SAA2: variants seen among roughly 807,000 people sequenced by gnomAD.
SAA2 encodes the protein serum amyloid A-2 protein.
In SAA2, 5 loss-of-function variants were observed where a neutral mutation model predicts 9.1. That is an observed-to-expected ratio of 0.55 (90% CI 0.29 to 1.16). The LOEUF is 1.16. Among genes scored for constraint, SAA2 ranks in the 50% most tolerant of loss-of-function variants. SAA2 has a pLI of 0.09. For missense variants in SAA2, 94 were observed against 153.8 expected, an observed-to-expected ratio of 0.61 and a Z score of 2.06; for synonymous variants, 49 against 59.8, an observed-to-expected ratio of 0.82 and a Z score of 0.83.
chr11:18,239,553 C>T, exon 4 of SAA2: 1 of 398,704 alleles, frequency 2.5e-6, no homozygotes, highest in Non-Finnish European at 4.4e-6. Flanking sequence ...CAACCACCTT[C>T]ACGAGATAGT....
intron 2 of SAA2, among the ~76,000 whole-genome samples, chr11:18,246,876 C>T (rs1857570117): frequency 6.6e-6 from 1 of 152,200 alleles, no homozygotes; most frequent in South Asian, 2.1e-4. Flanking sequence ...GCCCAGGCCA[C>T]ACCCCAGGCC....
chr11:18,245,612 G>A, intron 3 of SAA2, 97 bp from the exon 4 acceptor site: 1 of 1,525,064 alleles, frequency 6.6e-7, no homozygotes, highest in Non-Finnish European at 8.9e-7. Flanking sequence ...GCTCAGAGAG[G>A]AGCCCAGAAA....
downstream of SAA2, chr11:18,242,711 T>C (rs1363987331): frequency 2.9e-6 from 2 of 688,430 alleles, no homozygotes; most frequent in South Asian, 3.0e-5. Context: ...GCAAGTGTCA[T>C]GGCGCACATC....
Position 18,247,919 on chromosome 11 carries a change from A to C in SAA2, c.91+2T>G, listed in dbSNP as rs1231386795. 1 of 1,613,902 alleles carries C rather than the reference A, an allele frequency of 6.2e-7. No individual in the cohort carries two copies. Among genetic ancestry groups the C allele is most frequent in the Admixed American group, 1.7e-5 (1 of 60,008 alleles). On this transcript the variant is annotated splice_donor_variant, in intron 2 of 3. Transcript: ENST00000256733. LOFTEE classifies it high-confidence loss of function. ...AATCCTGCAAACCTTCTGAAGCCTTACCATCAAAAGCCTCGCCAAGGAACG... is the reference window on the plus strand; with the variant it reads ...AATCCTGCAAACCTTCTGAAGCCTTCCCATCAAAAGCCTCGCCAAGGAACG...
downstream of SAA2, chr11:18,245,152 G>T (rs1857463606): frequency 5.0e-6 from 5 of 991,056 alleles, no homozygotes; most frequent in Admixed American, 3.0e-5. Flanking sequence ...GCCTACCTAG[G>T]CTCACCCTTC....
At chr11:18,246,290 G>A (rs955827817) in intron 2 of SAA2, among the ~76,000 whole-genome samples, 2 of 152,222 alleles carry the variant, frequency 1.3e-5, no homozygotes, top group African/African-American at 2.4e-5. Context: ...ATCCAGGAGT[G>A]TATATGAATG....
rs1176651241 is a variant in SAA2 at position 18,245,445 on chromosome 11, T to G, written c.301A>C (p.Asn101His). 1 of 1,614,212 alleles carries G rather than the reference T, an allele frequency of 6.2e-7. No individual in the cohort carries two copies. The highest frequency in any genetic ancestry group is 1.1e-5 in the South Asian group (1 of 91,086). ...TCTCTGCCACTCCTGCCCCATTTAT[T>G]GGCAGCCTGATCGGCCAGCGAGTCC... ...AEDSLADQAA[N>H]KWGRSGRDPN... The change falls in exon 4 of 4, where the codon AAT (asparagine) becomes CAT (histidine). Residue 101 changes from asparagine to histidine, a missense_variant. By Grantham distance (68) the Asn-to-His change is moderately conservative. This residue lies in a region of SAA2 where 62 missense variants were observed against 58.3 expected (regional missense o/e 1.06). Transcript: ENST00000256733.
downstream of SAA2, among the ~76,000 whole-genome samples, chr11:18,244,845 TG>T (rs1260396541): frequency 6.6e-6 from 1 of 152,196 alleles, no homozygotes; most frequent in Non-Finnish European, 1.5e-5. Context: ...TTGTAGGTGT[TG>T]CTGAGAAATG....
Position 18,247,977 on chromosome 11 carries a change from A to G in SAA2, c.35T>C (p.Leu12Ser). Residue 12 changes from leucine (L) to serine (S), a missense_variant, in exon 2 of 4, where the codon TTG becomes TCG. Physicochemically the swap from Leu to Ser is moderately radical, Grantham distance 145 (BLOSUM62 -2). This residue lies in a region of SAA2 where 32 missense variants were observed against 95.5 expected (regional missense o/e 0.34). Transcript: ENST00000256733. ...KLLTGLVFCS[L>S]VLSVSSRSFF... ...GCTTCGGCTGCTGACACTCAGGACC[A>G]AGGAGCAGAAAACCAGGCCCGTGAG... The G allele has an allele frequency of 1.2e-6, 2 of 1,613,618 alleles. No homozygotes were observed. Among genetic ancestry groups the G allele is most frequent in the Non-Finnish European group, 1.7e-6 (2 of 1,179,812 alleles).
intron 2 of SAA2, among the ~76,000 whole-genome samples, chr11:18,246,249 A>G (rs1228416200): frequency 6.6e-6 from 1 of 152,170 alleles, no homozygotes; most frequent in African/African-American, 2.4e-5. Flanking sequence ...GTGAAGAGCC[A>G]CTGCTATAGA....
At chr11:18,243,813 G>A (rs57004502), downstream of SAA2, among the ~76,000 whole-genome samples, 152 of 152,150 alleles carry the variant, frequency 1.0e-3, 1 homozygote, top group African/African-American at 3.6e-3. Flanking sequence ...CAGAGAAAAG[G>A]GGTATGCCAG....
downstream of SAA2, among the ~76,000 whole-genome samples, chr11:18,244,663 CA>C (rs1443751047): frequency 1.3e-5 from 2 of 152,208 alleles, no homozygotes; most frequent in African/African-American, 4.8e-5. Context: ...TCTCCACTGC[CA>C]CCACTTCCAC....
chr11:18,240,231 G>A (rs1857306951), intron 3 of SAA2: 4 of 704,922 alleles, frequency 5.7e-6, no homozygotes, highest in African/African-American at 1.7e-5. Flanking sequence ...CAAATAAGCA[G>A]GTGTCATCTT....
downstream of SAA2, chr11:18,242,937 T>C: frequency 7.8e-6 from 5 of 639,328 alleles, no homozygotes; most frequent in Non-Finnish European, 1.4e-5. Flanking sequence ...GCATGTTAAT[T>C]CTTACTGAGG....
chr11:18,239,488 C>A, exon 4 of SAA2: 1 of 386,740 alleles, frequency 2.6e-6, no homozygotes, highest in Non-Finnish European at 4.6e-6. Context: ...TCCTATCATA[C>A]CATCTCCCAT....
In SAA2 at chr11:18,245,254, C is replaced by T. The variant is rs3200316; in HGVS notation, c.*123G>A. 1.3e-6 allele frequency: 2 copies of T among 1,505,742 alleles called. No individual in the cohort carries two copies. The highest frequency in any genetic ancestry group is 1.8e-6 in the Non-Finnish European group (2 of 1,126,640). 93.3% of individuals were successfully genotyped at this position (1,505,742 alleles called of 1,614,324 possible). On this transcript the variant is annotated 3_prime_UTR_variant, in exon 4 of 4. Coordinates refer to ENST00000256733, the MANE Select transcript of SAA2 (RefSeq NM_030754.5). ...GTTTCAACAAATTCCACCTCTTAAG[C>T]ATTTATTAGATGCCTATTATATGCC...
At chr11:18,240,357 G>A, downstream of SAA2, 2 of 699,238 alleles carry the variant, frequency 2.9e-6, no homozygotes, top group Non-Finnish European at 5.2e-6. Context: ...GCAGCCATAA[G>A]GCAGATAAAA....
rs1364718743 is a variant in SAA2, at chr11:18,246,159, G to A, written c.92-111C>T. On this transcript the variant is annotated intron_variant, in intron 2 of 3. Transcript: ENST00000256733. ...ATCTTCCACTGACTTCAAGCTTTCA[G>A]CCTGTGATCATAGCAGCCTTGGATA... The A allele has an allele frequency of 3.9e-5, 58 of 1,476,798 alleles. 1 individual carries two copies. Among genetic ancestry groups the A allele is most frequent in the Non-Finnish European group, 5.0e-5 (55 of 1,097,984 alleles). The allele number at this position is 1,476,798 out of a possible 1,614,324, so 91.5% of individuals were successfully genotyped here.
chr11:18,245,319 T>C lies in SAA2; in HGVS notation c.*58A>G. 3.1e-6 allele frequency: 5 copies of C among 1,606,530 alleles called. No homozygotes were observed. The South Asian group carries it at 5.5e-5, about 18-fold the overall frequency. ...CTGGACATAGACCTCACTAACTTTG[T>C]ATCCCTGCCCCGAGGGCCTCATAGC... On this transcript the variant is annotated 3_prime_UTR_variant, in exon 4 of 4. Transcript: ENST00000256733.
Sources: gnomAD v4.1 joint callset for allele counts (sites outside exome capture counted in the v4.1 genomes callset) on GRCh38, gnomAD v4.1.1 for gene constraint, gnomAD v4.1.1 regional missense constraint, MANE v1.5 for transcripts, NCBI Gene and HGNC (gene_info 2026-07-23, HGNC 2026-07-21) for gene names.